PRKCA: variants seen among roughly 807,000 people sequenced by gnomAD.
PRKCA encodes protein kinase C alpha type.
A neutral mutation model predicts 87.0 loss-of-function variants in PRKCA; 27 were observed. That is an observed-to-expected ratio of 0.31 (90% CI 0.23 to 0.43). The LOEUF (loss-of-function observed/expected upper bound fraction) is 0.43, where lower values mean the gene tolerates loss of function less well. PRKCA is among the 20% of genes least tolerant of loss of function. The pLI is 1.00. For missense variants in PRKCA, 518 were observed against 852.3 expected (o/e 0.61, Z 4.88); for synonymous variants, 329 against 311.1 (o/e 1.06, Z -0.61).
chr17:66,444,131 TAA>T (rs1356905163), intron 2 of PRKCA, among the ~76,000 whole-genome samples: 1 of 152,112 alleles, frequency 6.6e-6, no homozygotes, highest in Non-Finnish European at 1.5e-5. Flanking sequence ...CAAAGCTGAG[TAA>T]ATACTCATGG....
intron 2 of PRKCA, among the ~76,000 whole-genome samples, chr17:66,310,636 T>C (rs1291975867): frequency 9.2e-5 from 14 of 152,194 alleles, no homozygotes; most frequent in Admixed American, 5.9e-4. Context: ...GTGATTTCTA[T>C]TCCTTCTGTA....
intron 14 of PRKCA, among the ~76,000 whole-genome samples, chr17:66,786,383 G>A (rs149084349): frequency 1.2e-3 from 186 of 152,218 alleles, no homozygotes; most frequent in African/African-American, 4.4e-3. Flanking sequence ...CTGCTTGTTG[G>A]GTCAGAGGCC....
intron 5 of PRKCA, among the ~76,000 whole-genome samples, chr17:66,670,581 G>A (rs1972152112): frequency 6.6e-6 from 1 of 152,158 alleles, no homozygotes; most frequent in African/African-American, 2.4e-5. Flanking sequence ...AAAAATTTTG[G>A]CCGGGCATTG....
chr17:66,330,104 AT>A (rs5821530), intron 2 of PRKCA, among the ~76,000 whole-genome samples: 76,947 of 139,914 alleles, frequency 0.55, 20,992 homozygotes, highest in South Asian at 0.61. Flanking sequence ...ATTTTCCTGG[AT>A]TTTTTTTTTT....
At chr17:66,312,490 G>C (rs536866884) in intron 2 of PRKCA, among the ~76,000 whole-genome samples, 1 of 152,124 alleles carries the variant, frequency 6.6e-6, no homozygotes, top group Non-Finnish European at 1.5e-5. Flanking sequence ...TCCTTAGCAA[G>C]ACATTGGAAG....
At chr17:66,515,961 TAGG>T (rs1210738213) in intron 3 of PRKCA, among the ~76,000 whole-genome samples, 1 of 152,228 alleles carries the variant, frequency 6.6e-6, no homozygotes, top group Admixed American at 6.5e-5. Context: ...TTTATTTTGT[TAGG>T]AGCATTTTGT....
chr17:66,725,740 G>T (rs1390099458), intron 8 of PRKCA, among the ~76,000 whole-genome samples: 1 of 151,750 alleles, frequency 6.6e-6, no homozygotes, highest in Non-Finnish European at 1.5e-5. Context: ...AGGTCAGGAG[G>T]TTGAGGTTGC....
chr17:66,580,021 G>A (rs1260486432), intron 3 of PRKCA, among the ~76,000 whole-genome samples: 3 of 152,046 alleles, frequency 2.0e-5, no homozygotes, highest in East Asian at 3.9e-4. Context: ...GAGATGTCTC[G>A]GCATCTCTCA....
intron 2 of PRKCA, among the ~76,000 whole-genome samples, chr17:66,454,817 G>A (rs891401460): frequency 2.0e-5 from 3 of 152,218 alleles, no homozygotes; most frequent in Non-Finnish European, 4.4e-5. Context: ...CAGCTAAACC[G>A]TATCAGTAGG....
intron 3 of PRKCA, among the ~76,000 whole-genome samples, chr17:66,554,211 G>A (rs1053310302): frequency 6.6e-6 from 1 of 151,130 alleles, no homozygotes; most frequent in African/African-American, 2.4e-5. Context: ...AGACCAGCTT[G>A]GGCAACATCG....
At chr17:66,417,005 T>A (rs1912196075) in intron 2 of PRKCA, among the ~76,000 whole-genome samples, 1 of 152,128 alleles carries the variant, frequency 6.6e-6, no homozygotes, top group Non-Finnish European at 1.5e-5. Context: ...TTCAAGTGAT[T>A]CTCCTGCCTC....
At chr17:66,735,920 C>CTTTTTTTTT (rs5821508) in intron 10 of PRKCA, among the ~76,000 whole-genome samples, 2 of 122,116 alleles carry the variant, frequency 1.6e-5, no homozygotes, top group African/African-American at 3.2e-5. Flanking sequence ...TTCTTTCTTT[C>CTTTTTTTTT]TTTTTTTTTT....
intron 2 of PRKCA, among the ~76,000 whole-genome samples, chr17:66,447,618 AC>A (rs1914103142): frequency 6.6e-6 from 1 of 152,230 alleles, no homozygotes; most frequent in Non-Finnish European, 1.5e-5. Flanking sequence ...AGAGATCTGG[AC>A]CTGGACTGTG....
rs911489865 is a variant in PRKCA at position 66,306,041 on chromosome 17, A to G, written c.174-55A>G. On this transcript the variant is annotated intron_variant, in intron 1 of 16. Transcript: ENST00000413366. ...CTTGGTCACATAACTTGTTTAAAATATGCTATCCAACAGAAAATATGTTAA... is the reference window on the plus strand; with the variant it reads ...CTTGGTCACATAACTTGTTTAAAATGTGCTATCCAACAGAAAATATGTTAA... The G allele has an allele frequency of 2.9e-5, 44 of 1,543,510 alleles. No individual in the cohort carries two copies. The African/African-American group carries it at 3.5e-4, about 12-fold the overall frequency.
At chr17:66,458,366 C>T (rs7220964) in intron 2 of PRKCA, among the ~76,000 whole-genome samples, 7,717 of 152,140 alleles carry the variant, frequency 0.051, 632 homozygotes, top group African/African-American at 0.17. Context: ...ACAGCCTAGA[C>T]GCTGGAGTTA....
At chr17:66,793,545 G>C (rs1323642217) in intron 16 of PRKCA, among the ~76,000 whole-genome samples, 1 of 131,938 alleles carries the variant, frequency 7.6e-6, no homozygotes, top group Non-Finnish European at 1.5e-5. Flanking sequence ...AGCCCAGATT[G>C]CGTCATTGCA....
chr17:66,666,084 C>T (rs1972034778), intron 5 of PRKCA, among the ~76,000 whole-genome samples: 1 of 152,142 alleles, frequency 6.6e-6, no homozygotes, highest in Non-Finnish European at 1.5e-5. Context: ...TTGATGAGAG[C>T]AATCAGTGTA....
intron 2 of PRKCA, among the ~76,000 whole-genome samples, chr17:66,342,833 A>G (rs1281497500): frequency 6.6e-6 from 1 of 152,252 alleles, no homozygotes; most frequent in Non-Finnish European, 1.5e-5. Flanking sequence ...AAGAAAAATT[A>G]TATCAGAAGT....
At chr17:66,444,920 C>T (rs1264333236) in intron 2 of PRKCA, among the ~76,000 whole-genome samples, 1 of 152,052 alleles carries the variant, frequency 6.6e-6, no homozygotes, top group Non-Finnish European at 1.5e-5. Flanking sequence ...CACCTTTCCC[C>T]ACTAATCAGA....
Sources: gnomAD v4.1 joint callset for allele counts (sites outside exome capture counted in the v4.1 genomes callset) on GRCh38, gnomAD v4.1.1 for gene constraint, MANE v1.5 for transcripts, NCBI Gene and HGNC (gene_info 2026-07-23, HGNC 2026-07-21) for gene names.